The following RAB11FIP4 variants were observed in gnomAD, a reference collection of about 807,000 sequenced individuals.
RAB11FIP4 encodes RAB11 family interacting protein 4, also known as rab11 family-interacting protein 4.
Under a neutral mutation model 74.3 loss-of-function variants are expected in RAB11FIP4, and 23 were observed. The observed-to-expected ratio is 0.31, with a 90% confidence interval of 0.22 to 0.44. The LOEUF (loss-of-function observed/expected upper bound fraction) is 0.44, where lower values mean the gene tolerates loss of function less well. Ranked by LOEUF, RAB11FIP4 falls within the 20% of genes least tolerant of loss-of-function variation. The pLI is 1.00. For synonymous variants in RAB11FIP4, 360 were observed against 359.9 expected (o/e 1.00, Z 0.00); for missense variants, 630 against 863.9 (o/e 0.73, Z 3.39).
At chr17:31,405,303 A>G (rs2071032239) in intron 1 of RAB11FIP4, among the ~76,000 whole-genome samples, 1 of 152,066 alleles carries the variant, frequency 6.6e-6, no homozygotes, top group Non-Finnish European at 1.5e-5. Flanking sequence ...GGTGGCACTC[A>G]TAGGCCTGCC....
intron 3 of RAB11FIP4, among the ~76,000 whole-genome samples, chr17:31,494,336 GAT>G (rs1366083130): frequency 2.6e-5 from 4 of 151,956 alleles, no homozygotes; most frequent in Non-Finnish European, 5.9e-5. Flanking sequence ...GTGGTAAGAG[GAT>G]GAGGCTAGTA....
At position 31,523,943 on chromosome 17, in the gene RAB11FIP4, C is replaced by T. The variant is rs1374745848; in HGVS notation, c.1080C>T (p.Thr360=). The change falls in exon 9 of 15, where the codon ACC becomes ACT. Residue 360 remains threonine, a synonymous_variant. Transcript: ENST00000621161. ...KVTELENDSL[T]NGDLKSKLKQ... ...CAGAGCTGGAGAATGACAGCCTGAC[C>T]AATGGGGACCTGAAGAGCAAGCTGA... 1 of 1,612,624 alleles carries T rather than the reference C, an allele frequency of 6.2e-7. No individual in the cohort carries two copies. The highest frequency in any genetic ancestry group is 8.5e-7 in the Non-Finnish European group (1 of 1,179,624).
intron 3 of RAB11FIP4, among the ~76,000 whole-genome samples, chr17:31,498,896 A>G (rs966431218): frequency 2.0e-5 from 3 of 152,166 alleles, no homozygotes; most frequent in African/African-American, 7.2e-5. Context: ...CATGATGGTA[A>G]AGTATGGAGC....
chr17:31,516,558 C>T (rs1223693645), intron 3 of RAB11FIP4, among the ~76,000 whole-genome samples: 2 of 152,248 alleles, frequency 1.3e-5, no homozygotes, highest in Non-Finnish European at 2.9e-5. Flanking sequence ...CAAGCTCCGC[C>T]TCCTAGGTTC....
chr17:31,422,725 A>C (rs2071211534), intron 1 of RAB11FIP4, among the ~76,000 whole-genome samples: 1 of 151,894 alleles, frequency 6.6e-6, no homozygotes, highest in Non-Finnish European at 1.5e-5. Context: ...TGTATTTTTT[A>C]GTTCTAAAAT....
intron 3 of RAB11FIP4, chr17:31,509,533 G>C (rs1410266805): frequency 1.3e-5 from 2 of 152,514 alleles, no homozygotes; most frequent in African/African-American, 2.4e-5. Context: ...AGAGAGTCTG[G>C]AAGCTGCCCT....
At chr17:31,528,087 A>G (rs1206914798) in intron 11 of RAB11FIP4, among the ~76,000 whole-genome samples, 164 bp downstream of exon 11, 2 of 152,210 alleles carry the variant, frequency 1.3e-5, no homozygotes, top group Non-Finnish European at 2.9e-5. Flanking sequence ...TTCTACAGCG[A>G]ATGTATTTAT....
At chr17:31,502,366 G>A (rs2072238106) in intron 3 of RAB11FIP4, among the ~76,000 whole-genome samples, 1 of 151,760 alleles carries the variant, frequency 6.6e-6, no homozygotes, top group South Asian at 2.1e-4. Context: ...ATCACTTGAG[G>A]TCAGGAGTTC....
intron 3 of RAB11FIP4, among the ~76,000 whole-genome samples, chr17:31,453,381 C>CAAA (rs1567661112): frequency 1.2e-5 from 1 of 85,828 alleles, no homozygotes; most frequent in Non-Finnish European, 2.4e-5. Flanking sequence ...AAAAAAAAAA[C>CAAA]AAACCTGGGG....
intron 1 of RAB11FIP4, among the ~76,000 whole-genome samples, chr17:31,407,555 C>T (rs1446910566): frequency 1.3e-5 from 2 of 152,222 alleles, no homozygotes; most frequent in Non-Finnish European, 2.9e-5. Flanking sequence ...TAAGATTCAG[C>T]TCATAATCAG....
At chr17:31,485,011 G>T (rs565452853) in intron 3 of RAB11FIP4, among the ~76,000 whole-genome samples, 1 of 152,352 alleles carries the variant, frequency 6.6e-6, no homozygotes, top group African/African-American at 2.4e-5. Context: ...GAACCAGTGC[G>T]TCAGACTGCA....
chr17:31,480,513 G>C (rs1330798566), intron 3 of RAB11FIP4, among the ~76,000 whole-genome samples: 2 of 152,150 alleles, frequency 1.3e-5, no homozygotes, highest in Admixed American at 1.3e-4. Context: ...CCCCTGGCCG[G>C]GTGCGGTGGC....
intron 14 of RAB11FIP4, 87 bp downstream of exon 14, chr17:31,530,556 C>T: frequency 1.3e-6 from 2 of 1,532,562 alleles, no homozygotes; most frequent in Middle Eastern, 2.4e-4. Flanking sequence ...AGTGAGAAAA[C>T]CAGACCAGGG....
chr17:31,436,290 C>A (rs1252116257), intron 3 of RAB11FIP4, among the ~76,000 whole-genome samples: 2 of 152,200 alleles, frequency 1.3e-5, no homozygotes, highest in Non-Finnish European at 1.5e-5. Flanking sequence ...GTGCTAATTC[C>A]TCGCCGCCTG....
chr17:31,512,187 T>G lies in RAB11FIP4; in HGVS notation c.337-5464T>G, dbSNP rs1385499549. Reference sequence around the variant, plus strand: ...GCTGTAGGAATAGCTCACCCTCTGTTGCCTGTAGCCCCTCGTGAGGCCAGG... The same window carrying G: ...GCTGTAGGAATAGCTCACCCTCTGTGGCCTGTAGCCCCTCGTGAGGCCAGG... On this transcript the variant is annotated intron_variant, in intron 3 of 14. Transcript: ENST00000621161. The surrounding 1 kb of genome is among the most constrained non-coding windows in gnomAD (Gnocchi z 4.1). 6.6e-6 allele frequency among the ~76,000 whole-genome samples: 1 copy of G among 152,168 alleles called. No individual in the cohort carries two copies.
At chr17:31,393,912 G>A (rs536946220) in intron 1 of RAB11FIP4, among the ~76,000 whole-genome samples, 2 of 152,038 alleles carry the variant, frequency 1.3e-5, no homozygotes, top group Admixed American at 6.5e-5. Flanking sequence ...CCCCCACCAG[G>A]ACTATATTAG....
chr17:31,406,097 T>G (rs1407255171), intron 1 of RAB11FIP4, among the ~76,000 whole-genome samples: 21 of 152,224 alleles, frequency 1.4e-4, no homozygotes, highest in Admixed American at 1.4e-3. Context: ...CCTGCTCTGG[T>G]GCAAGCAGGG....
intron 3 of RAB11FIP4, among the ~76,000 whole-genome samples, chr17:31,497,081 T>G (rs1441370658): frequency 1.3e-5 from 2 of 152,190 alleles, no homozygotes; most frequent in African/African-American, 4.8e-5. Context: ...GACCCCTTTG[T>G]GGACAGGCAC....
intron 1 of RAB11FIP4, among the ~76,000 whole-genome samples, chr17:31,423,898 G>A (rs1011760560): frequency 1.3e-5 from 2 of 151,830 alleles, no homozygotes; most frequent in African/African-American, 2.4e-5. Context: ...TCCCTTTCTC[G>A]GAGTTTTAGG....
Sources: gnomAD v4.1 joint callset for allele counts (sites outside exome capture counted in the v4.1 genomes callset) on GRCh38, gnomAD v4.1.1 for gene constraint, Gnocchi (gnomAD v3.1) non-coding constraint, MANE v1.5 for transcripts, NCBI Gene and HGNC (gene_info 2026-07-23, HGNC 2026-07-21) for gene names.